GPM6A: variants seen among roughly 807,000 people sequenced by gnomAD.
GPM6A encodes neuronal membrane glycoprotein M6-a.
A neutral mutation model predicts 32.1 loss-of-function variants in GPM6A; 7 were observed. The ratio of observed to expected loss-of-function variants is 0.22; its 90% CI spans 0.12 to 0.41. The LOEUF (loss-of-function observed/expected upper bound fraction) is 0.41, where lower values mean the gene tolerates loss of function less well. Ranked by LOEUF, GPM6A falls within the 10% of genes least tolerant of loss-of-function variation. The pLI is 1.00. For synonymous variants in GPM6A, 130 were observed against 123.4 expected, an observed-to-expected ratio of 1.05 and a Z score of -0.35; for missense variants, 235 against 347.2, an observed-to-expected ratio of 0.68 and a Z score of 2.57.
intron 1 of GPM6A, among the ~76,000 whole-genome samples, chr4:175,900,353 G>T (rs1737924453): frequency 7.0e-6 from 1 of 143,792 alleles, no homozygotes; most frequent in South Asian, 2.2e-4. Flanking sequence ...GAAAGGAAAA[G>T]AAAGGAAAGG....
chr4:175,691,178 A>G (rs763875410), intron 2 of GPM6A, among the ~76,000 whole-genome samples: 5 of 152,238 alleles, frequency 3.3e-5, no homozygotes, highest in African/African-American at 4.8e-5. Context: ...TGTCAGTGAT[A>G]TATCACAAGA....
intron 3 of GPM6A, among the ~76,000 whole-genome samples, chr4:175,671,121 C>T (rs1743038614): frequency 6.6e-6 from 1 of 151,918 alleles, no homozygotes; most frequent in African/African-American, 2.4e-5. Flanking sequence ...CCTCGGCCTC[C>T]CAAAGTGCTA....
chr4:175,903,876 G>A (rs1286617159), intron 1 of GPM6A, among the ~76,000 whole-genome samples: 1 of 152,062 alleles, frequency 6.6e-6, no homozygotes, highest in Non-Finnish European at 1.5e-5. Flanking sequence ...AAGCGAATAT[G>A]GACCATGGAT....
At chr4:175,731,523 G>A (rs143068530) in intron 1 of GPM6A, among the ~76,000 whole-genome samples, 490 of 152,172 alleles carry the variant, frequency 3.2e-3, no homozygotes, top group Non-Finnish European at 5.6e-3. Context: ...TTTGCTCAGT[G>A]TCCTCTACAC....
intron 6 of GPM6A, among the ~76,000 whole-genome samples, chr4:175,637,687 T>TATAA (rs1740848187): frequency 5.2e-4 from 1 of 1,926 alleles, no homozygotes; most frequent in Non-Finnish European, 1.5e-3. Flanking sequence ...ATATATATAA[T>TATAA]ATATAATATA....
intron 1 of GPM6A, among the ~76,000 whole-genome samples, chr4:175,866,096 C>T (rs1474542258): frequency 1.3e-5 from 2 of 152,090 alleles, no homozygotes; most frequent in Non-Finnish European, 1.5e-5. Context: ...TAATCTATTG[C>T]CATAATGTTT....
intron 1 of GPM6A, among the ~76,000 whole-genome samples, chr4:175,908,298 C>T (rs1422694261): frequency 6.6e-6 from 1 of 152,108 alleles, no homozygotes; most frequent in Non-Finnish European, 1.5e-5. Context: ...CTAATGATGT[C>T]ATGCCTATGA....
intron 1 of GPM6A, among the ~76,000 whole-genome samples, chr4:175,954,360 A>T (rs1739915958): frequency 6.6e-6 from 1 of 152,146 alleles, no homozygotes; most frequent in Non-Finnish European, 1.5e-5. Context: ...CCCCGTGGCT[A>T]GGTTGTATCA....
chr4:175,988,713 A>G (rs933247224), intron 1 of GPM6A, among the ~76,000 whole-genome samples: 12 of 152,220 alleles, frequency 7.9e-5, no homozygotes, highest in African/African-American at 7.2e-5. Flanking sequence ...GCAAGTGCTA[A>G]TAAGAATAGG....
chr4:175,907,910 T>C (rs1738182438), intron 1 of GPM6A, among the ~76,000 whole-genome samples: 1 of 152,150 alleles, frequency 6.6e-6, no homozygotes, highest in Admixed American at 6.6e-5. Flanking sequence ...CTCCTTATTC[T>C]GTCTTTTGTT....
At chr4:175,938,744 A>AAT in intron 1 of GPM6A, among the ~76,000 whole-genome samples, 1 of 151,784 alleles carries the variant, frequency 6.6e-6, no homozygotes, top group East Asian at 1.9e-4. Context: ...AACCAAAAAA[A>AAT]AAAAAGAAAT....
At chr4:175,898,732 C>T (rs933916665) in intron 1 of GPM6A, among the ~76,000 whole-genome samples, 1 of 152,086 alleles carries the variant, frequency 6.6e-6, no homozygotes, top group Non-Finnish European at 1.5e-5. Flanking sequence ...CAAAATATTC[C>T]AAACTGACTT....
intron 1 of GPM6A, among the ~76,000 whole-genome samples, chr4:175,743,260 A>T (rs1400142820): frequency 2.0e-5 from 3 of 152,056 alleles, no homozygotes; most frequent in African/African-American, 7.2e-5. Context: ...GTTCATGATG[A>T]GGTAGGCAGA....
chr4:175,649,065 G>C (rs189036020), intron 4 of GPM6A, among the ~76,000 whole-genome samples: 5 of 152,254 alleles, frequency 3.3e-5, no homozygotes, highest in Middle Eastern at 3.4e-3. Flanking sequence ...AAAAGCTGTC[G>C]AGTAGAAAAT....
intron 1 of GPM6A, among the ~76,000 whole-genome samples, chr4:175,767,576 C>CT (rs1733023019): frequency 6.6e-6 from 1 of 152,276 alleles, no homozygotes; most frequent in South Asian, 2.1e-4. Flanking sequence ...TCACATTTCA[C>CT]TTTTTTTAGG....
chr4:175,638,793 A>G (rs752802341), intron 6 of GPM6A, among the ~76,000 whole-genome samples: 2 of 152,124 alleles, frequency 1.3e-5, no homozygotes, highest in African/African-American at 4.8e-5. Flanking sequence ...GACAGCATAG[A>G]AATGGGTGTA....
chr4:175,792,921 G>A (rs1445017989), intron 1 of GPM6A, among the ~76,000 whole-genome samples: 1 of 152,176 alleles, frequency 6.6e-6, no homozygotes, highest in Non-Finnish European at 1.5e-5. Context: ...ACGCATGCCT[G>A]TAATCCCAGC....
At chr4:175,878,329 C>T (rs544408050) in intron 1 of GPM6A, among the ~76,000 whole-genome samples, 2 of 152,206 alleles carry the variant, frequency 1.3e-5, no homozygotes, top group Admixed American at 6.5e-5. Flanking sequence ...TCCCACATTT[C>T]CTTTCCAAGT....
Position 175,729,322 on chromosome 4 carries a change from C to A in GPM6A, c.38-27555G>T, listed in dbSNP as rs147262451. Reference sequence around the variant, plus strand: ...ATCCTACTCTAGGGATTATAGAAACCATCAGATTAGAATGCCCCTCTCTCC... The same window carrying A: ...ATCCTACTCTAGGGATTATAGAAACAATCAGATTAGAATGCCCCTCTCTCC... On this transcript the variant is annotated intron_variant, in intron 1 of 6. Transcript: ENST00000393658. Among the ~76,000 whole-genome samples the A allele has an allele frequency of 6.0e-3, 907 of 152,152 alleles. 8 individuals are homozygous for A. The highest frequency in any genetic ancestry group is 0.02 in the Middle Eastern group (6 of 294).
Sources: gnomAD v4.1 joint callset for allele counts (sites outside exome capture counted in the v4.1 genomes callset) on GRCh38, gnomAD v4.1.1 for gene constraint, MANE v1.5 for transcripts, NCBI Gene and HGNC (gene_info 2026-07-23, HGNC 2026-07-21) for gene names.